MTNAP1: variants seen among roughly 807,000 people sequenced by gnomAD.
MTNAP1 encodes the protein mitochondrial nucleoid-associated protein 1.
chr17:73,248,315 G>A, the MTNAP1 span: 1 of 615,964 alleles, frequency 1.6e-6, no homozygotes, highest in Non-Finnish European at 2.9e-6. Context: ...GTGAGGCGGG[G>A]TAACTACTCA....
At chr17:73,232,670 C>T in the MTNAP1 span, 157 of 220,428 alleles carry the variant, frequency 7.1e-4, no homozygotes, top group Middle Eastern at 3.0e-3. Flanking sequence ...GGGGGGCTTC[C>T]CTGGGGGGCT....
chr17:73,244,598 G>A, the MTNAP1 span: 1 of 127,916 alleles, frequency 7.8e-6, no homozygotes, highest in Non-Finnish European at 1.7e-5. Flanking sequence ...CAGTATTTTT[G>A]TACAATTAAA....
chr17:73,235,232 A>G, the MTNAP1 span, among the ~76,000 whole-genome samples: 1 of 152,144 alleles, frequency 6.6e-6, no homozygotes, highest in African/African-American at 2.4e-5. Context: ...AAATAAATAA[A>G]TAAATAAATA....
At chr17:73,243,461 G>T in the MTNAP1 span, among the ~76,000 whole-genome samples, 1 of 151,732 alleles carries the variant, frequency 6.6e-6, no homozygotes, top group Non-Finnish European at 1.5e-5. Flanking sequence ...GCAGGCTCCG[G>T]GGTTTTATTA....
At chr17:73,233,985 A>T in the MTNAP1 span, among the ~76,000 whole-genome samples, 1 of 152,192 alleles carries the variant, frequency 6.6e-6, no homozygotes, top group Non-Finnish European at 1.5e-5. Context: ...TGGTTGCTTT[A>T]TTGAATGGAT....
chr17:73,233,458 C>G, the MTNAP1 span: 2 of 152,348 alleles, frequency 1.3e-5, no homozygotes, highest in South Asian at 4.1e-4. Context: ...CGTTGTTAGC[C>G]GAAGGTCCAT....
chr17:73,236,564 C>T, the MTNAP1 span: 49 of 1,614,144 alleles, frequency 3.0e-5, no homozygotes, highest in African/African-American at 6.7e-5. Context: ...CCGAGGGAGA[C>T]GACTTACCAG....
chr17:73,235,236 A>G, the MTNAP1 span, among the ~76,000 whole-genome samples: 12 of 152,266 alleles, frequency 7.9e-5, no homozygotes, highest in African/African-American at 2.9e-4. Flanking sequence ...AAATAAATAA[A>G]TAAATAACCT....
the MTNAP1 span, chr17:73,235,986 A>G: frequency 3.7e-6 from 6 of 1,614,240 alleles, no homozygotes; most frequent in Non-Finnish European, 4.2e-6. Context: ...ATCCTTCAGA[A>G]GCTGGAGCGT....
chr17:73,248,280 C>G, the MTNAP1 span: 3 of 546,128 alleles, frequency 5.5e-6, no homozygotes, highest in Middle Eastern at 4.4e-4. Context: ...AGACTGCTAC[C>G]CACAGAAGCC....
chr17:73,232,609 T>G, the MTNAP1 span: 1 of 299,292 alleles, frequency 3.3e-6, no homozygotes, highest in Non-Finnish European at 6.1e-6. Flanking sequence ...TATCCGGCAG[T>G]GGTGCAGACG....
At chr17:73,242,192 A>G in the MTNAP1 span, 7 of 1,230,050 alleles carry the variant, frequency 5.7e-6, no homozygotes, top group South Asian at 1.3e-5. Flanking sequence ...GATGTTAGGG[A>G]AGGGGGTACG....
At chr17:73,233,240 C>G in the MTNAP1 span, 1 of 152,290 alleles carries the variant, frequency 6.6e-6, no homozygotes, top group Non-Finnish European at 1.5e-5. Context: ...ACGTTTCATT[C>G]TGCCACACTC....
chr17:73,234,880 A>G, the MTNAP1 span, among the ~76,000 whole-genome samples: 5 of 151,474 alleles, frequency 3.3e-5, no homozygotes, highest in African/African-American at 1.2e-4. Flanking sequence ...ACCCTAGTGC[A>G]TATTCTATTT....
the MTNAP1 span, chr17:73,247,248 G>A: frequency 8.1e-6 from 13 of 1,614,084 alleles, no homozygotes; most frequent in Non-Finnish European, 1.0e-5. Context: ...CAGAAAAATT[G>A]TGCCGACCCC....
chr17:73,235,936 C>CT, the MTNAP1 span: 7 of 1,614,202 alleles, frequency 4.3e-6, no homozygotes, highest in East Asian at 1.6e-4. Flanking sequence ...TAAAAGAGAA[C>CT]TTGCCAAAGA....
chr17:73,241,716 G>C, the MTNAP1 span, among the ~76,000 whole-genome samples: 1 of 152,154 alleles, frequency 6.6e-6, no homozygotes, highest in Admixed American at 6.6e-5. Flanking sequence ...GAACACATGA[G>C]GTCAGGAGTT....
chr17:73,245,732 C>T, the MTNAP1 span: 4 of 985,066 alleles, frequency 4.1e-6, no homozygotes, highest in African/African-American at 7.0e-5. Flanking sequence ...TGCAGGTAAG[C>T]CTCCGAAAAA....
chr17:73,238,558 T>C, the MTNAP1 span, among the ~76,000 whole-genome samples: 1 of 152,240 alleles, frequency 6.6e-6, no homozygotes, highest in African/African-American at 2.4e-5. Context: ...TAAACAGGCC[T>C]AACGTCTAGA....
Sources: gnomAD v4.1 joint callset for allele counts (sites outside exome capture counted in the v4.1 genomes callset) on GRCh38, gnomAD v4.1.1 for gene constraint, MANE v1.5 for transcripts, NCBI Gene and HGNC (gene_info 2026-07-23, HGNC 2026-07-21) for gene names.